The following RBL1 variants were observed in gnomAD, a reference collection of about 807,000 sequenced individuals.
RBL1 encodes the protein retinoblastoma-like protein 1.
RBL1 carries 82 observed loss-of-function variants against 123.0 expected under a neutral mutation model. That is an observed-to-expected ratio of 0.67 (90% CI 0.56 to 0.80). The LOEUF (loss-of-function observed/expected upper bound fraction) is 0.80. Among genes scored for constraint, RBL1 ranks in the 30% least tolerant of loss-of-function variants. RBL1 has a pLI of 0.00. For synonymous variants in RBL1, 405 were observed against 441.3 expected, an observed-to-expected ratio of 0.92 and a Z score of 1.03; for missense variants, 1,171 against 1,299.6, an observed-to-expected ratio of 0.90 and a Z score of 1.52.
In RBL1 at chr20:37,062,278, G is replaced by C; in HGVS notation, c.897-8C>G. On this transcript the variant is annotated splice_region_variant and splice_polypyrimidine_tract_variant and intron_variant, in intron 7 of 21. Transcript: ENST00000373664. ...TCCTTATTCACTGCTTTGCTGCAAAGAGAATTATTATAAGCTGTAATACTA... is the reference window on the plus strand; with the variant it reads ...TCCTTATTCACTGCTTTGCTGCAAACAGAATTATTATAAGCTGTAATACTA... 1 of 1,613,020 alleles carries C rather than the reference G, an allele frequency of 6.2e-7. No individual in the cohort carries two copies. Among genetic ancestry groups the C allele is most frequent in the Non-Finnish European group, 8.5e-7 (1 of 1,179,498 alleles).
intron 9 of RBL1, among the ~76,000 whole-genome samples, chr20:37,058,249 G>T (rs1473936750): frequency 6.6e-6 from 1 of 151,788 alleles, no homozygotes; most frequent in East Asian, 1.9e-4. Context: ...GGCAGCCCTT[G>T]GCTCATGCCT....
intron 3 of RBL1, 106 bp from the exon 4 acceptor site, chr20:37,067,403 C>G (rs1261577711): frequency 1.4e-5 from 12 of 881,790 alleles, no homozygotes; most frequent in South Asian, 3.7e-5. Context: ...ACATGAAATT[C>G]CATTCATGAA....
chr20:37,055,309 G>GA (rs59560599), intron 11 of RBL1, among the ~76,000 whole-genome samples: 17 of 84,002 alleles, frequency 2.0e-4, no homozygotes, highest in African/African-American at 5.7e-4. Flanking sequence ...ATGAAGGACA[G>GA]AAAAAAAAAA....
intron 16 of RBL1, among the ~76,000 whole-genome samples, chr20:37,031,045 CAAAA>C (rs575369804): frequency 4.1e-5 from 6 of 146,974 alleles, no homozygotes; most frequent in Admixed American, 4.1e-4. Context: ...GACTCTGTCT[CAAAA>C]AAAAATAGAC....
In RBL1 at chr20:37,095,961, C is replaced by G. The variant is rs1600629548; in HGVS notation, c.-33G>C. The G allele has an allele frequency of 2.1e-6, 3 of 1,462,260 alleles. No homozygotes were observed. The highest frequency in any genetic ancestry group is 2.6e-4 in the Middle Eastern group (1 of 3,836). The allele number at this position is 1,462,260 out of a possible 1,614,324, so 90.6% of individuals were successfully genotyped here. On this transcript the variant is annotated 5_prime_UTR_variant, in exon 1 of 22. Coordinates refer to ENST00000373664, the MANE Select transcript of RBL1 (RefSeq NM_002895.5). Reference sequence around the variant, plus strand: ...GGCCCCGCGGGCTGCGCGCCACGGCCCCCGACTTCTTTCTCCCTCCCAGGC... The same window carrying G: ...GGCCCCGCGGGCTGCGCGCCACGGCGCCCGACTTCTTTCTCCCTCCCAGGC...
chr20:37,078,888 C>G (rs6124605), intron 2 of RBL1, among the ~76,000 whole-genome samples: 22,106 of 145,604 alleles, frequency 0.15, 2,075 homozygotes, highest in East Asian at 0.46. Context: ...TTTTGGGGGG[C>G]GGGCAGGGGG....
Position 37,035,291 on chromosome 20 carries a change from T to TGTGGCC in RBL1, c.2115_2120dup (p.Thr707_Ala708dup), listed in dbSNP as rs1568843492. The stretch of plus-strand genomic sequence containing the variant: ...GTCCTGTTGTTCCTGTTACTGGGGC[T>TGTGGCC]GTGGCCATTGTTAGAAGAGTTTGAC... On this transcript the variant is annotated inframe_insertion, in exon 15 of 22. Coordinates refer to ENST00000373664, the MANE Select transcript of RBL1 (RefSeq NM_002895.5). 1 of 1,613,958 alleles carries TGTGGCC rather than the reference T, an allele frequency of 6.2e-7. No individual in the cohort carries two copies. Among genetic ancestry groups the TGTGGCC allele is most frequent in the Admixed American group, 1.7e-5 (1 of 60,020 alleles).
intron 20 of RBL1, among the ~76,000 whole-genome samples, chr20:37,004,672 GC>G (rs1348855309): frequency 1.4e-5 from 2 of 141,866 alleles, no homozygotes; most frequent in Non-Finnish European, 3.0e-5. Context: ...CCCAGATTGT[GC>G]CACTGCACTC....
chr20:37,081,584 C>G (rs940299063), intron 2 of RBL1, among the ~76,000 whole-genome samples: 1 of 152,156 alleles, frequency 6.6e-6, no homozygotes, highest in Non-Finnish European at 1.5e-5. Context: ...CTTGACCCCC[C>G]CAAGTTTGAG....
chr20:37,003,111 CCA>C (rs1568810949), intron 21 of RBL1, among the ~76,000 whole-genome samples: 1 of 152,166 alleles, frequency 6.6e-6, no homozygotes, highest in Non-Finnish European at 1.5e-5. Context: ...TAAGAAGGAG[CCA>C]CTGTATTTGG....
rs11340151 is a variant in RBL1 at position 37,036,626 on chromosome 20, CTT to C, written c.1904-1120_1904-1119del. 2.3e-3 allele frequency among the ~76,000 whole-genome samples: 252 copies of C among 107,806 alleles called. 2 individuals carry two copies. Among genetic ancestry groups the C allele is most frequent in the African/African-American group, 7.9e-3 (195 of 24,772 alleles). 70.7% of individuals were successfully genotyped at this position (107,806 alleles called of 152,430 possible). ...ATAGTCATGTAATCTATTTTCTTTT[CTT>C]TTTTTTTTTTTTTTTGAGATGGAGT... On this transcript the variant is annotated intron_variant, in intron 14 of 21. Coordinates refer to ENST00000373664, the MANE Select transcript of RBL1 (RefSeq NM_002895.5).
intron 21 of RBL1, among the ~76,000 whole-genome samples, chr20:36,999,763 G>A: frequency 6.6e-6 from 1 of 152,230 alleles, no homozygotes; most frequent in Admixed American, 6.5e-5. Flanking sequence ...CGAGGTGCCG[G>A]GATGGCAGAC....
At chr20:37,020,286 A>C (rs545324059) in intron 18 of RBL1, among the ~76,000 whole-genome samples, 43 of 152,002 alleles carry the variant, frequency 2.8e-4, no homozygotes, top group Non-Finnish European at 1.8e-4. Context: ...ACAGGGTTTT[A>C]CCATATTGGC....
chr20:37,015,172 G>A (rs1475910886), intron 19 of RBL1, among the ~76,000 whole-genome samples: 1 of 151,626 alleles, frequency 6.6e-6, no homozygotes, highest in Non-Finnish European at 1.5e-5. Flanking sequence ...AAGTTTCTTT[G>A]GCAGATACTT....
At chr20:37,057,279 T>C (rs1282976571) in intron 9 of RBL1, among the ~76,000 whole-genome samples, 1 of 152,232 alleles carries the variant, frequency 6.6e-6, no homozygotes. Flanking sequence ...ACGTCCGTAC[T>C]GTTTTCCATA....
At chr20:37,009,303 C>G (rs766257913) in intron 19 of RBL1, among the ~76,000 whole-genome samples, 2 of 152,098 alleles carry the variant, frequency 1.3e-5, no homozygotes, top group African/African-American at 4.8e-5. Flanking sequence ...GGATTACAGG[C>G]GTGAGCCACT....
intron 20 of RBL1, among the ~76,000 whole-genome samples, chr20:37,005,912 T>TC (rs1372102031): frequency 4.1e-5 from 6 of 147,488 alleles, no homozygotes; most frequent in Admixed American, 2.7e-4. Context: ...TTTTTTTTTT[T>TC]TGAGGCAGGG....
chr20:37,081,965 G>A (rs1251103626), intron 2 of RBL1: 5 of 455,724 alleles, frequency 1.1e-5, no homozygotes, highest in African/African-American at 4.0e-5. Context: ...ATGGAGGCTC[G>A]CTTCAGGTCA....
In RBL1 at chr20:37,003,857, G is replaced by C; in HGVS notation, c.2881C>G (p.Pro961Ala). ...LANQDHMMDA[P>A]PLSPFPHIKQ... is the part of the protein sequence containing the mutation. ...ATATGTGGAAAAGGAGAGAGTGGTGGAGCATCCATCTAAAATAACCCAAAA... is the reference window on the plus strand; with the variant it reads ...ATATGTGGAAAAGGAGAGAGTGGTGCAGCATCCATCTAAAATAACCCAAAA... Residue 961 changes from proline to alanine, a missense_variant, in exon 21 of 22, where the codon CCA becomes GCA. Transcript: ENST00000373664. 2.5e-6 allele frequency: 4 copies of C among 1,605,708 alleles called. No individual in the cohort carries two copies. Among genetic ancestry groups the C allele is most frequent in the East Asian group, 2.2e-5 (1 of 44,818 alleles).
Sources: gnomAD v4.1 joint callset for allele counts (sites outside exome capture counted in the v4.1 genomes callset) on GRCh38, gnomAD v4.1.1 for gene constraint, MANE v1.5 for transcripts, NCBI Gene and HGNC (gene_info 2026-07-23, HGNC 2026-07-21) for gene names.